Variants in CFAP54 observed in about 807,000 individuals in gnomAD.
The protein encoded by CFAP54 is cilia- and flagella-associated protein 54.
CFAP54 carries 290 observed loss-of-function variants against 370.4 expected under a neutral mutation model. That is an observed-to-expected ratio of 0.78 (90% confidence interval 0.71 to 0.86). The LOEUF (loss-of-function observed/expected upper bound fraction) is 0.86, where lower values mean the gene tolerates loss of function less well. Among genes scored for constraint, CFAP54 ranks in the 40% least tolerant of loss-of-function variants. CFAP54 has a pLI of 0.00. For synonymous variants in CFAP54, 1,206 were observed against 1,236.5 expected, an observed-to-expected ratio of 0.98 and a Z score of 0.52; for missense variants, 3,399 against 3,528.7, an observed-to-expected ratio of 0.96 and a Z score of 0.93.
Position 96,652,588 on chromosome 12 carries a change from CA to C in CFAP54, c.5100+779del, listed in dbSNP as rs1046961628. Among the ~76,000 whole-genome samples, 5 of 152,112 alleles carry C rather than the reference CA, an allele frequency of 3.3e-5. No homozygotes were observed. The South Asian group carries it at 6.2e-4, about 19-fold the overall frequency. On this transcript the variant is annotated intron_variant, in intron 36 of 67. Coordinates refer to ENST00000524981, the MANE Select transcript of CFAP54 (RefSeq NM_001306084.2). ...AGGCAGGGAAGAAGGAACAAAGGAA[CA>C]AAAAACATGGGACAAAGAGAAAACA...
chr12:96,822,723 T>A (rs1405575331), intron 65 of CFAP54, among the ~76,000 whole-genome samples: 1 of 152,208 alleles, frequency 6.6e-6, no homozygotes, highest in Admixed American at 6.5e-5. Context: ...CTGTCTCTTA[T>A]AGGAACATCC....
At chr12:96,745,472 A>G (rs1958104260) in intron 55 of CFAP54, among the ~76,000 whole-genome samples, 1 of 151,968 alleles carries the variant, frequency 6.6e-6, no homozygotes, top group South Asian at 2.1e-4. Flanking sequence ...TGCTGGCTGC[A>G]TGCATGTCTT....
chr12:96,795,629 G>A (rs888135069), intron 63 of CFAP54, among the ~76,000 whole-genome samples: 1 of 151,976 alleles, frequency 6.6e-6, no homozygotes, highest in Admixed American at 6.5e-5. Context: ...CACTCCCACC[G>A]TGCCCTCCCA....
intron 45 of CFAP54, among the ~76,000 whole-genome samples, chr12:96,698,435 A>G (rs969577671): frequency 1.3e-5 from 2 of 152,192 alleles, no homozygotes; most frequent in Non-Finnish European, 1.5e-5. Context: ...CTAAATGCCT[A>G]TCATTGTTAG....
chr12:96,603,111 TG>T (rs564708461), intron 26 of CFAP54, among the ~76,000 whole-genome samples: 67 of 152,240 alleles, frequency 4.4e-4, no homozygotes, highest in Non-Finnish European at 4.1e-4. Flanking sequence ...TTCCTTTCTA[TG>T]TTTAGTGCTT....
intron 8 of CFAP54, among the ~76,000 whole-genome samples, chr12:96,526,172 G>C (rs893267861): frequency 1.3e-5 from 2 of 152,222 alleles, no homozygotes; most frequent in African/African-American, 2.4e-5. Flanking sequence ...AAATCTTCCA[G>C]CTGGATAAGG....
intron 1 of CFAP54, among the ~76,000 whole-genome samples, chr12:96,499,258 A>G (rs1216841195): frequency 6.6e-6 from 1 of 152,180 alleles, no homozygotes; most frequent in Admixed American, 6.5e-5. Context: ...GATTACAGGC[A>G]TGAGCCACTG....
chr12:96,768,713 A>AC (rs1163342477), intron 60 of CFAP54, among the ~76,000 whole-genome samples: 1 of 152,172 alleles, frequency 6.6e-6, no homozygotes, highest in Non-Finnish European at 1.5e-5. Flanking sequence ...AAACAAACAA[A>AC]AAAAGAAGCA....
intron 6 of CFAP54, among the ~76,000 whole-genome samples, chr12:96,521,233 A>G (rs927845831): frequency 1.3e-5 from 2 of 152,222 alleles, no homozygotes; most frequent in Non-Finnish European, 2.9e-5. Context: ...AATAAGGGAC[A>G]TGAACTCTTG....
At chr12:96,602,233 C>A (rs1396663840) in intron 26 of CFAP54, among the ~76,000 whole-genome samples, 1 of 152,162 alleles carries the variant, frequency 6.6e-6, no homozygotes, top group African/African-American at 2.4e-5. Context: ...CATTCAGGAG[C>A]AGGTTGTTCA....
At position 96,644,236 on chromosome 12, in the gene CFAP54, C is replaced by A; in HGVS notation, c.4375C>A (p.Pro1459Thr). Reference protein sequence around the residue: ...AQRYLMDYLNPLILSYVKRKR... With the variant: ...AQRYLMDYLNTLILSYVKRKR... ...ACGATACCTGATGGATTACTTGAAT[C>A]CTCTAATATTAAGTTATGTTAAAAG... The change falls in exon 33 of 68, where the codon CCT (proline) becomes ACT (threonine). Residue 1459 changes from proline to threonine, a missense_variant. Transcript: ENST00000524981. 1 of 1,535,844 alleles carries A rather than the reference C, an allele frequency of 6.5e-7. No individual in the cohort carries two copies. The highest frequency in any genetic ancestry group is 1.2e-5 in the South Asian group (1 of 84,038).
chr12:96,764,046 T>TA, intron 58 of CFAP54, 105 bp from the exon 59 acceptor site: 1 of 664,872 alleles, frequency 1.5e-6, no homozygotes, highest in Non-Finnish European at 2.6e-6. Flanking sequence ...ATAGATACAT[T>TA]ATTATCCTTA....
In CFAP54 at chr12:96,551,066, T is replaced by C. The variant is rs189642052; in HGVS notation, c.2154+3088T>C. ...GGTGGATCGCTTGAGCCCAGAAGAT[T>C]GAGACCAGCCTGGGCAATATGGTGA... On this transcript the variant is annotated intron_variant, in intron 15 of 67. Transcript: ENST00000524981. Among the ~76,000 whole-genome samples, 152 of 151,910 alleles carry C rather than the reference T, an allele frequency of 1.0e-3. 1 individual carries two copies. Among genetic ancestry groups the C allele is most frequent in the African/African-American group, 3.5e-3 (146 of 41,440 alleles).
At chr12:96,557,246 T>C (rs181152214) in intron 17 of CFAP54, among the ~76,000 whole-genome samples, 1 of 152,258 alleles carries the variant, frequency 6.6e-6, no homozygotes, top group East Asian at 1.9e-4. Flanking sequence ...CTTTGTCTAG[T>C]GGCAATTTAC....
chr12:96,687,135 A>G (rs1434759023), intron 42 of CFAP54, among the ~76,000 whole-genome samples: 5 of 151,158 alleles, frequency 3.3e-5, no homozygotes, highest in Admixed American at 1.3e-4. Flanking sequence ...TGTCTCTCAT[A>G]TTTTCTTCCA....
At chr12:96,495,253 CTTCCT>C (rs1954937283) in intron 1 of CFAP54, among the ~76,000 whole-genome samples, 1 of 50,128 alleles carries the variant, frequency 2.0e-5, no homozygotes, top group South Asian at 5.3e-4. Context: ...TCCTTCCTTC[CTTCCT>C]TCCTTCCTTC....
chr12:96,703,884 T>C (rs1231552760), intron 46 of CFAP54, among the ~76,000 whole-genome samples: 2 of 152,210 alleles, frequency 1.3e-5, no homozygotes, highest in Non-Finnish European at 2.9e-5. Context: ...TCCAGGAATC[T>C]ATCCTAAGGT....
In CFAP54 at chr12:96,644,173, G is replaced by C. The variant is rs1305576692; in HGVS notation, c.4317-5G>C. On this transcript the variant is annotated splice_polypyrimidine_tract_variant and splice_region_variant and intron_variant, in intron 32 of 67. Transcript: ENST00000524981. ...TAATTTCAAAACTTCTTTCTCCCTT[G>C]GCAGAAATAGGAGAACCAGTGTTAG... is the stretch of plus-strand genomic sequence containing the variant. The C allele has an allele frequency of 2.0e-6, 3 of 1,512,786 alleles. No homozygotes were observed. Among genetic ancestry groups the C allele is most frequent in the Non-Finnish European group, 2.7e-6 (3 of 1,131,266 alleles). The allele number at this position is 1,512,786 out of a possible 1,614,324, so 93.7% of individuals were successfully genotyped here.
In CFAP54 at chr12:96,817,897, T is replaced by A; in HGVS notation, c.9080T>A (p.Val3027Asp). The A allele has an allele frequency of 6.8e-7, 1 of 1,480,714 alleles. No individual in the cohort carries two copies. The highest frequency in any genetic ancestry group is 1.3e-5 in the South Asian group (1 of 75,070). The allele number at this position is 1,480,714 out of a possible 1,614,324, so 91.7% of individuals were successfully genotyped here. A position where few individuals can be genotyped will look rare whatever the true frequency, so the allele number is the denominator to read the frequency against. The stretch of plus-strand genomic sequence containing the variant: ...GAAGTAGAAGTGGAAGAGGAATCAG[T>A]TGATAATGAAATGGAAGTAAGTTGT... ...IYEVEVEEES[V>D]DNEMEDMIIQ... The change falls in exon 65 of 68, where the codon GTT becomes GAT. Residue 3027 changes from valine (V) to aspartate (D), a missense_variant. Val to Asp is a radical substitution (Grantham distance 152). This residue lies in a region of CFAP54 where 2,796 missense variants were observed against 2,869.7 expected (regional missense o/e 0.97). Coordinates refer to ENST00000524981, the MANE Select transcript of CFAP54 (RefSeq NM_001306084.2).
Sources: allele counts gnomAD v4.1 joint callset (sites outside exome capture counted in the v4.1 genomes callset), GRCh38; gene constraint gnomAD v4.1.1; regional missense constraint gnomAD v4.1.1; transcripts MANE v1.5; gene names NCBI Gene and HGNC (gene_info 2026-07-23, HGNC 2026-07-21).